Variants in KAZN observed in about 807,000 individuals in gnomAD.
KAZN encodes the protein kazrin, periplakin interacting protein.
A neutral mutation model predicts 87.4 loss-of-function variants in KAZN; 40 were observed. The ratio of observed to expected loss-of-function variants is 0.46; its 90% CI spans 0.36 to 0.60. The LOEUF (loss-of-function observed/expected upper bound fraction) is 0.60, where lower values mean the gene tolerates loss of function less well. Ranked by LOEUF, KAZN falls within the 20% of genes least tolerant of loss-of-function variation. The probability of loss-of-function intolerance (pLI) is 0.00; values close to 1 mark genes in which losing one functional copy is unlikely to be tolerated. For missense variants in KAZN, 898 were observed against 1,073.9 expected, an observed-to-expected ratio of 0.84 and a Z score of 2.29; for synonymous variants, 466 against 458.3, an observed-to-expected ratio of 1.02 and a Z score of -0.22.
chr1:14,277,644 A>G (rs966534979), intron 2 of KAZN, among the ~76,000 whole-genome samples: 1 of 150,070 alleles, frequency 6.7e-6, no homozygotes. Context: ...GCCTGGTGAC[A>G]GAGCGAGACT....
intron 1 of KAZN, among the ~76,000 whole-genome samples, chr1:14,895,223 G>A (rs1254003510): frequency 1.3e-5 from 2 of 152,240 alleles, no homozygotes; most frequent in Non-Finnish European, 2.9e-5. Flanking sequence ...TGCAGCCATG[G>A]GGGCTGTCTT....
intron 2 of KAZN, among the ~76,000 whole-genome samples, chr1:14,420,699 C>T (rs983404214): frequency 9.2e-5 from 14 of 152,174 alleles, no homozygotes; most frequent in East Asian, 1.9e-4. Flanking sequence ...GCCTGCAGGC[C>T]GTCTCTGCTG....
At chr1:14,119,996 T>A (rs1644716135) in intron 1 of KAZN, among the ~76,000 whole-genome samples, 1 of 152,154 alleles carries the variant, frequency 6.6e-6, no homozygotes, top group Non-Finnish European at 1.5e-5. Flanking sequence ...GTAAGTACCT[T>A]GTTCACACTC....
intron 2 of KAZN, among the ~76,000 whole-genome samples, chr1:14,573,033 C>A (rs12096994): frequency 0.041 from 6,260 of 152,152 alleles, 456 homozygotes; most frequent in African/African-American, 0.14. Flanking sequence ...AAAATGTAAC[C>A]GATCACTCAT....
chr1:14,898,083 T>A lies in KAZN; in HGVS notation c.227-62601T>A, dbSNP rs1189255944. Among the ~76,000 whole-genome samples the A allele has an allele frequency of 2.0e-5, 3 of 152,322 alleles. No homozygotes were observed. The East Asian group carries it at 5.8e-4, about 29-fold the overall frequency. ...ACCTAACACTGGGCTCAATAAATGG[T>A]ACCCGGGGGTGAGAAAGGACCACAG... On this transcript the variant is annotated intron_variant, in intron 1 of 14. Coordinates refer to ENST00000376030, the MANE Select transcript of KAZN (RefSeq NM_201628.3).
At chr1:14,508,415 C>G (rs1223097562) in intron 2 of KAZN, among the ~76,000 whole-genome samples, 1 of 152,154 alleles carries the variant, frequency 6.6e-6, no homozygotes, top group African/African-American at 2.4e-5. Context: ...TCTTATTAGG[C>G]TCGCAGATTC....
At chr1:14,790,314 A>C (rs1006112934) in intron 1 of KAZN, among the ~76,000 whole-genome samples, 2 of 152,044 alleles carry the variant, frequency 1.3e-5, no homozygotes, top group Admixed American at 1.3e-4. Flanking sequence ...GCCTGGCAGC[A>C]TTCCTGAATT....
intron 1 of KAZN, among the ~76,000 whole-genome samples, chr1:13,931,472 G>A (rs534615212): frequency 3.9e-4 from 59 of 151,140 alleles, no homozygotes; most frequent in African/African-American, 1.3e-3. Context: ...GTGTGCATGC[G>A]TGTGTGTGTG....
intron 3 of KAZN, among the ~76,000 whole-genome samples, chr1:15,039,286 C>T (rs951801850): frequency 6.6e-6 from 1 of 152,118 alleles, no homozygotes; most frequent in East Asian, 1.9e-4. Flanking sequence ...GAGGGCCACA[C>T]GATTATGGAA....
intron 1 of KAZN, among the ~76,000 whole-genome samples, chr1:14,780,590 G>A (rs1311321446): frequency 1.3e-5 from 2 of 152,208 alleles, no homozygotes; most frequent in Non-Finnish European, 2.9e-5. Context: ...AATTAAGCAA[G>A]ATGCTATAAA....
At chr1:14,420,593 C>A (rs766776007) in intron 2 of KAZN, among the ~76,000 whole-genome samples, 9 of 152,208 alleles carry the variant, frequency 5.9e-5, no homozygotes, top group Non-Finnish European at 1.0e-4. Flanking sequence ...CAGGAGCCCA[C>A]GGCAGGAGTG....
chr1:14,764,040 C>T (rs1367497442), intron 1 of KAZN, among the ~76,000 whole-genome samples: 1 of 152,186 alleles, frequency 6.6e-6, no homozygotes, highest in African/African-American at 2.4e-5. Flanking sequence ...TGAGCCACCA[C>T]ACCCAGCTTG....
chr1:14,379,323 G>A (rs1459021960), intron 2 of KAZN, among the ~76,000 whole-genome samples: 1 of 151,900 alleles, frequency 6.6e-6, no homozygotes, highest in Non-Finnish European at 1.5e-5. Context: ...AGCTACTATG[G>A]CTACAGGGAG....
chr1:15,086,809 G>A (rs1640280374), intron 8 of KAZN, among the ~76,000 whole-genome samples: 1 of 152,300 alleles, frequency 6.6e-6, no homozygotes, highest in South Asian at 2.1e-4. Flanking sequence ...ACAACCCTAG[G>A]TTTTATTAAG....
chr1:14,148,707 C>G (rs72643142), intron 1 of KAZN, among the ~76,000 whole-genome samples: 1 of 152,024 alleles, frequency 6.6e-6, no homozygotes, highest in African/African-American at 2.4e-5. Context: ...TGAGTTGATG[C>G]GAAAGCAGAT....
At chr1:14,147,150 A>G (rs542057001) in intron 1 of KAZN, among the ~76,000 whole-genome samples, 18 of 152,152 alleles carry the variant, frequency 1.2e-4, no homozygotes, top group Non-Finnish European at 2.6e-4. Flanking sequence ...AACACAAAAT[A>G]TGTGTTAATA....
chr1:14,722,200 G>A (rs542530605), intron 1 of KAZN, among the ~76,000 whole-genome samples: 1 of 151,960 alleles, frequency 6.6e-6, no homozygotes, highest in Admixed American at 6.6e-5. Flanking sequence ...TGATCCACAT[G>A]GACATGGAGA....
chr1:14,363,971 T>A (rs964423103), intron 2 of KAZN, among the ~76,000 whole-genome samples: 8 of 134,802 alleles, frequency 5.9e-5, no homozygotes, highest in Admixed American at 1.4e-4. Context: ...CACAATATTT[T>A]TTTTTTTTTT....
intron 1 of KAZN, among the ~76,000 whole-genome samples, chr1:14,737,087 A>G (rs1190045355): frequency 6.6e-6 from 1 of 152,188 alleles, no homozygotes; most frequent in Non-Finnish European, 1.5e-5. Flanking sequence ...TGCTGGGAGC[A>G]AATGTGACAA....
Sources: gnomAD v4.1 joint callset for allele counts (sites outside exome capture counted in the v4.1 genomes callset) on GRCh38, gnomAD v4.1.1 for gene constraint, MANE v1.5 for transcripts, NCBI Gene and HGNC (gene_info 2026-07-23, HGNC 2026-07-21) for gene names.